CNTN5: variants seen among roughly 807,000 people sequenced by gnomAD.
The protein encoded by CNTN5 is contactin 5.
CNTN5 carries 77 observed loss-of-function variants against 129.1 expected under a neutral mutation model. That is an observed-to-expected ratio of 0.60 (90% CI 0.50 to 0.72). The LOEUF is 0.72. Ranked by LOEUF, CNTN5 falls within the 30% of genes least tolerant of loss-of-function variation. The pLI is 0.00. For missense variants in CNTN5, 1,478 were observed against 1,328.8 expected, an observed-to-expected ratio of 1.11 and a Z score of -1.75; for synonymous variants, 509 against 465.6, an observed-to-expected ratio of 1.09 and a Z score of -1.20.
intron 13 of CNTN5, among the ~76,000 whole-genome samples, chr11:100,160,189 G>C (rs1401967640): frequency 6.6e-6 from 1 of 151,840 alleles, no homozygotes; most frequent in African/African-American, 2.4e-5. Context: ...TTCTGTTTCT[G>C]TGTTTGTTTG....
chr11:99,647,413 C>T (rs1952006145), intron 3 of CNTN5, among the ~76,000 whole-genome samples: 2 of 151,862 alleles, frequency 1.3e-5, no homozygotes, highest in Admixed American at 1.3e-4. Context: ...GTTTTTATGC[C>T]AGTAGTATGC....
chr11:99,799,896 G>A (rs1946061511), intron 3 of CNTN5, among the ~76,000 whole-genome samples: 2 of 151,930 alleles, frequency 1.3e-5, no homozygotes, highest in South Asian at 4.1e-4. Context: ...TGGTTGGTGG[G>A]TTTGCTATTA....
At chr11:99,119,465 T>C (rs565030496) in intron 1 of CNTN5, among the ~76,000 whole-genome samples, 2 of 152,304 alleles carry the variant, frequency 1.3e-5, no homozygotes, top group East Asian at 1.9e-4. Context: ...TCAAAGGACA[T>C]GATCTCATTC....
At position 99,972,802 on chromosome 11, in the gene CNTN5, G is replaced by A. The variant is rs145233277; in HGVS notation, c.877+15793G>A. Among the ~76,000 whole-genome samples, 17 of 152,218 alleles carry A rather than the reference G, an allele frequency of 1.1e-4. No homozygotes were observed. In the East Asian group the frequency reaches 2.9e-3, roughly 26 times the overall value. On this transcript the variant is annotated intron_variant, in intron 8 of 24. Transcript: ENST00000524871. ...AGGATTGGAAGAGGATTGGAAGAAC[G>A]AGACCAGTTATGATCTGTATACAAA...
chr11:99,754,943 G>A (rs1006267344), intron 3 of CNTN5, among the ~76,000 whole-genome samples: 1 of 151,934 alleles, frequency 6.6e-6, no homozygotes, highest in African/African-American at 2.4e-5. Context: ...CCAAGCCCTG[G>A]CAATCATTGA....
At chr11:99,248,234 G>T (rs2135782061) in intron 1 of CNTN5, among the ~76,000 whole-genome samples, 1 of 152,234 alleles carries the variant, frequency 6.6e-6, no homozygotes, top group South Asian at 2.1e-4. Flanking sequence ...ATTTTTTCAT[G>T]TGTCTTTTGG....
At chr11:100,142,609 T>G (rs1946730765) in intron 13 of CNTN5, among the ~76,000 whole-genome samples, 1 of 152,186 alleles carries the variant, frequency 6.6e-6, no homozygotes, top group Non-Finnish European at 1.5e-5. Flanking sequence ...AGTAACCTTT[T>G]AATCAAAACA....
intron 9 of CNTN5, among the ~76,000 whole-genome samples, chr11:100,007,747 G>A (rs2137505734): frequency 6.6e-6 from 1 of 151,738 alleles, no homozygotes; most frequent in South Asian, 2.1e-4. Flanking sequence ...CTTATCATTT[G>A]TGTTTTCACT....
intron 7 of CNTN5, among the ~76,000 whole-genome samples, chr11:99,928,278 C>G (rs567631505): frequency 1.3e-5 from 2 of 152,266 alleles, no homozygotes; most frequent in African/African-American, 4.8e-5. Flanking sequence ...GTCAGTGGAC[C>G]TACTATTCTG....
At chr11:99,242,509 G>A (rs564009714) in intron 1 of CNTN5, among the ~76,000 whole-genome samples, 54 of 151,612 alleles carry the variant, frequency 3.6e-4, no homozygotes, top group Non-Finnish European at 6.8e-4. Context: ...TTTTATGTTC[G>A]GAGGATACAT....
At chr11:100,164,129 T>C (rs370448685) in intron 13 of CNTN5, among the ~76,000 whole-genome samples, 26 of 151,930 alleles carry the variant, frequency 1.7e-4, no homozygotes, top group African/African-American at 5.8e-4. Flanking sequence ...TAGATCCTTA[T>C]TGAATTTTAA....
At chr11:99,875,722 T>C (rs988964063) in intron 6 of CNTN5, among the ~76,000 whole-genome samples, 2 of 150,172 alleles carry the variant, frequency 1.3e-5, no homozygotes, top group Admixed American at 6.8e-5. Flanking sequence ...TAAAAGTCTG[T>C]ACACTCTGGT....
chr11:100,222,789 C>T (rs1591408218), intron 15 of CNTN5, among the ~76,000 whole-genome samples: 1 of 152,004 alleles, frequency 6.6e-6, no homozygotes, highest in African/African-American at 2.4e-5. Context: ...GACATAGGTC[C>T]TATTCTGGGC....
At chr11:99,917,005 G>A (rs1441278641) in intron 7 of CNTN5, among the ~76,000 whole-genome samples, 1 of 152,064 alleles carries the variant, frequency 6.6e-6, no homozygotes, top group East Asian at 1.9e-4. Flanking sequence ...TATATTATCA[G>A]GGTAGTAATG....
At chr11:99,798,246 A>T (rs1449423787) in intron 3 of CNTN5, among the ~76,000 whole-genome samples, 3 of 151,134 alleles carry the variant, frequency 2.0e-5, no homozygotes, top group African/African-American at 7.4e-5. Flanking sequence ...TGCTTAGGAT[A>T]AGCAATCCAT....
At chr11:99,397,933 T>C (rs1392280482) in intron 2 of CNTN5, among the ~76,000 whole-genome samples, 2 of 151,910 alleles carry the variant, frequency 1.3e-5, no homozygotes, top group East Asian at 1.9e-4. Flanking sequence ...TGTATACTAC[T>C]GTGTGTGTAT....
At chr11:99,729,970 A>T (rs1344031311) in intron 3 of CNTN5, among the ~76,000 whole-genome samples, 1 of 152,068 alleles carries the variant, frequency 6.6e-6, no homozygotes, top group Non-Finnish European at 1.5e-5. Flanking sequence ...TACCTAGGTG[A>T]TGGGTTGAGA....
chr11:99,508,686 C>CTTTCTT (rs11281160), intron 2 of CNTN5, among the ~76,000 whole-genome samples: 2 of 146,858 alleles, frequency 1.4e-5, no homozygotes, highest in Non-Finnish European at 3.0e-5. Context: ...TCTTTTCTTT[C>CTTTCTT]TTTTTTTTTT....
At chr11:99,506,474 T>A (rs979803965) in intron 2 of CNTN5, among the ~76,000 whole-genome samples, 2 of 152,178 alleles carry the variant, frequency 1.3e-5, no homozygotes, top group African/African-American at 2.4e-5. Flanking sequence ...CAGGTACCAG[T>A]GCCTCTCATT....
Sources: allele counts gnomAD v4.1 joint callset (sites outside exome capture counted in the v4.1 genomes callset), GRCh38; gene constraint gnomAD v4.1.1; transcripts MANE v1.5; gene names NCBI Gene and HGNC (gene_info 2026-07-23, HGNC 2026-07-21).